MTA3: variants seen among roughly 807,000 people sequenced by gnomAD.
MTA3 encodes the protein metastasis-associated protein MTA3.
In MTA3, 34 loss-of-function variants were observed where a neutral mutation model predicts 83.5. That is an observed-to-expected ratio of 0.41 (90% CI 0.31 to 0.54). The LOEUF is 0.54. Ranked by LOEUF, MTA3 falls within the 20% of genes least tolerant of loss-of-function variation. The pLI, the probability that MTA3 is intolerant of heterozygous loss-of-function variation, is 0.33. For synonymous variants in MTA3, 303 were observed against 252.7 expected, an observed-to-expected ratio of 1.20 and a Z score of -1.89; for missense variants, 761 against 726.4, an observed-to-expected ratio of 1.05 and a Z score of -0.55.
Position 42,704,217 on chromosome 2 carries a change from T to C in MTA3, c.1049T>C (p.Ile350Thr), listed in dbSNP as rs1352903405. 6.2e-7 allele frequency: 1 copy of C among 1,613,904 alleles called. No homozygotes were observed. Among genetic ancestry groups the C allele is most frequent in the East Asian group, 2.2e-5 (1 of 44,882 alleles). ...PTYSKPNPNQ[I>T]STSNGKPGAV... ...AGCAGCAAACCAAATCCCAACCAAA[T>C]ATCCACTAGTAATGGGAAGCCTGGT... is the stretch of plus-strand genomic sequence containing the variant. The change falls in exon 12 of 17, where the codon ATA becomes ACA. Residue 350 changes from isoleucine to threonine, a missense_variant. By Grantham distance (89) the Ile-to-Thr change is moderately conservative (BLOSUM62 -1). Transcript: ENST00000405094.
chr2:42,517,573 CAAAAA>C (rs70963320), intron 2 of MTA3, among the ~76,000 whole-genome samples: 1 of 98,476 alleles, frequency 1.0e-5, no homozygotes. Context: ...AATTCCATCT[CAAAAA>C]AAAAAAAAAA....
chr2:42,537,034 T>C (rs1237548480), intron 2 of MTA3, among the ~76,000 whole-genome samples: 1 of 152,130 alleles, frequency 6.6e-6, no homozygotes, highest in Admixed American at 6.6e-5. Flanking sequence ...TTGTAGCATG[T>C]GGCTAGAACA....
upstream of MTA3, among the ~76,000 whole-genome samples, chr2:42,567,341 C>T (rs902450714): frequency 1.3e-5 from 2 of 152,206 alleles, no homozygotes; most frequent in Admixed American, 6.5e-5. Flanking sequence ...TATATTTTGC[C>T]TCAGCTATGC....
rs575460861 is a variant in MTA3, at chr2:42,688,096, C to T, written c.891+5507C>T. On this transcript the variant is annotated intron_variant, in intron 9 of 16. Transcript: ENST00000405094. ...AACAGTTCGCTTATCAGTCAGGATT[C>T]AGTTAGAAAAACAGGACCACTAAAA... Among the ~76,000 whole-genome samples, 10 of 152,274 alleles carry T rather than the reference C, an allele frequency of 6.6e-5. No individual in the cohort carries two copies. In the East Asian group the frequency reaches 1.9e-3, roughly 29 times the overall value.
In MTA3 at chr2:42,753,897, T is replaced by C; in HGVS notation, c.*498T>C. 1 of 986,546 alleles carries C rather than the reference T, an allele frequency of 1.0e-6. No individual in the cohort carries two copies. The highest frequency in any genetic ancestry group is 1.2e-6 in the Non-Finnish European group (1 of 830,882). The allele number at this position is 986,546 out of a possible 1,614,324, so 61.1% of individuals were successfully genotyped here. Reference sequence around the variant, plus strand: ...CAGTGTTTATGAGGTTCAAGGTATTTCCCTGTCCTTGCTGTTACCGTCACT... The same window carrying C: ...CAGTGTTTATGAGGTTCAAGGTATTCCCCTGTCCTTGCTGTTACCGTCACT... On this transcript the variant is annotated 3_prime_UTR_variant, in exon 17 of 17. Coordinates refer to ENST00000405094, the MANE Select transcript of MTA3 (RefSeq NM_001330442.2).
At chr2:42,583,219 C>A (rs1196347448) in intron 3 of MTA3, among the ~76,000 whole-genome samples, 1 of 152,100 alleles carries the variant, frequency 6.6e-6, no homozygotes, top group African/African-American at 2.4e-5. Context: ...TGGATTACTT[C>A]TATGTATATT....
At chr2:42,610,443 G>A (rs1201736744) in intron 4 of MTA3, among the ~76,000 whole-genome samples, 1 of 152,094 alleles carries the variant, frequency 6.6e-6, no homozygotes, top group Non-Finnish European at 1.5e-5. Context: ...ACTGATTTGG[G>A]CGATATCTCT....
chr2:42,729,090 T>TTTGTTTTTG (rs1239961211), intron 16 of MTA3, among the ~76,000 whole-genome samples: 5 of 106,194 alleles, frequency 4.7e-5, no homozygotes, highest in Admixed American at 9.3e-5. Context: ...GTTTGAGTTT[T>TTTGTTTTTG]TTTTTTTTTT....
chr2:42,524,731 G>C (rs113315222), intron 2 of MTA3, among the ~76,000 whole-genome samples: 2,873 of 151,542 alleles, frequency 0.019, 81 homozygotes, highest in African/African-American at 0.066. Flanking sequence ...CCCAATCTTG[G>C]GGTGATGCTT....
intron 3 of MTA3, among the ~76,000 whole-genome samples, chr2:42,602,983 G>C (rs1279413918): frequency 6.6e-6 from 1 of 152,068 alleles, no homozygotes; most frequent in East Asian, 1.9e-4. Flanking sequence ...TAATTTTATA[G>C]TACTCACCAA....
chr2:42,647,155 T>TTAAAAAAAAAAACA, intron 6 of MTA3, among the ~76,000 whole-genome samples: 1 of 92,076 alleles, frequency 1.1e-5, no homozygotes, highest in South Asian at 4.6e-4. Context: ...AGACTCTGTC[T>TTAAAAAAAAAAACA]AAAAAAAAAA....
intron 9 of MTA3, among the ~76,000 whole-genome samples, chr2:42,683,452 T>C (rs1692108849): frequency 6.6e-6 from 1 of 152,190 alleles, no homozygotes; most frequent in African/African-American, 2.4e-5. Context: ...GAAGACAGTT[T>C]TTCCATGGAC....
At chr2:42,688,019 A>G (rs997305643) in intron 9 of MTA3, among the ~76,000 whole-genome samples, 2 of 152,234 alleles carry the variant, frequency 1.3e-5, no homozygotes, top group African/African-American at 4.8e-5. Context: ...GCTCCAGCTC[A>G]TGCTGTCGTA....
upstream of MTA3, chr2:42,568,499 GGGCCTCCCCC>G: frequency 8.8e-6 from 1 of 113,626 alleles, no homozygotes; most frequent in Admixed American, 9.3e-5. Context: ...CAGCCTCCCC[GGGCCTCCCCC>G]GGCCCGGCCC....
At chr2:42,538,709 T>TAAAAAAAAAAAAA (rs74857025) in intron 2 of MTA3, among the ~76,000 whole-genome samples, 1 of 75,452 alleles carries the variant, frequency 1.3e-5, no homozygotes, top group Non-Finnish European at 2.5e-5. Context: ...TGACTCTTTC[T>TAAAAAAAAAAAAA]AAAAAAAAAA....
Position 42,563,209 on chromosome 2 carries a change from C to G in MTA3, c.-140-7228C>G, listed in dbSNP as rs183283010. 4.1e-3 allele frequency among the ~76,000 whole-genome samples: 624 copies of G among 152,316 alleles called. 2 individuals are homozygous for G. Among genetic ancestry groups the G allele is most frequent in the Non-Finnish European group, 5.6e-3 (378 of 68,030 alleles). The stretch of plus-strand genomic sequence containing the variant: ...CAAACACCTTACTCCCTGTAACATT[C>G]CTTCAACACTTCCCATTGATTCTTT... On this transcript the variant is annotated intron_variant, in intron 2 of 17. Transcript: ENST00000405592.
chr2:42,537,380 C>T (rs1314380823), intron 2 of MTA3, among the ~76,000 whole-genome samples: 2 of 152,050 alleles, frequency 1.3e-5, no homozygotes, highest in East Asian at 1.9e-4. Context: ...CCTGGCCAAA[C>T]ATGGTAAAAC....
At chr2:42,607,418 C>T (rs977039702) in intron 3 of MTA3, among the ~76,000 whole-genome samples, 2 of 152,166 alleles carry the variant, frequency 1.3e-5, no homozygotes, top group Non-Finnish European at 2.9e-5. Flanking sequence ...CTTGCTGTAT[C>T]GCCCAGGCTG....
intron 2 of MTA3, among the ~76,000 whole-genome samples, chr2:42,531,171 G>C (rs1311169959): frequency 6.6e-6 from 1 of 152,120 alleles, no homozygotes; most frequent in Non-Finnish European, 1.5e-5. Flanking sequence ...TGGTAAGTAA[G>C]CCGGACTTTC....
Sources: allele counts gnomAD v4.1 joint callset (sites outside exome capture counted in the v4.1 genomes callset), GRCh38; gene constraint gnomAD v4.1.1; transcripts MANE v1.5; gene names NCBI Gene and HGNC (gene_info 2026-07-23, HGNC 2026-07-21).